Variants in TCOF1 observed in about 807,000 individuals in gnomAD.
TCOF1 encodes treacle protein.
In TCOF1, 33 loss-of-function variants were observed where a neutral mutation model predicts 149.0. That is an observed-to-expected ratio of 0.22 (90% CI 0.17 to 0.30). The LOEUF (loss-of-function observed/expected upper bound fraction) is 0.30, where lower values mean the gene tolerates loss of function less well. TCOF1 is among the 10% of genes least tolerant of loss of function. TCOF1 has a pLI of 1.00. For synonymous variants in TCOF1, 789 were observed against 738.8 expected, an observed-to-expected ratio of 1.07 and a Z score of -1.10; for missense variants, 1,728 against 1,840.7, an observed-to-expected ratio of 0.94 and a Z score of 1.12.
chr5:150,360,567 G>T (rs1295364473), intron 1 of TCOF1, among the ~76,000 whole-genome samples: 1 of 152,148 alleles, frequency 6.6e-6, no homozygotes, highest in African/African-American at 2.4e-5. Context: ...TGCCAGAGAG[G>T]CTGGGAGCTG....
Position 150,374,799 on chromosome 5 carries a change from G to A in TCOF1, c.1266G>A (p.Glu422=). 1 of 1,610,268 alleles carries A rather than the reference G, an allele frequency of 6.2e-7. No homozygotes were observed. ...SSSEESDSEE[E]APAQAKPSGK... is the part of the protein sequence containing the mutation. ...GCGAGGAATCGGACAGTGAGGAGGA[G>A]GCGCCTGCTCAGGTGAGGCAGAGGG... The change falls in exon 9 of 27, where the codon GAG becomes GAA. Residue 422 remains glutamate (E), a synonymous_variant. Coordinates refer to ENST00000643257, the MANE Select transcript of TCOF1 (RefSeq NM_001371623.1).
chr5:150,384,309 G>A, intron 17 of TCOF1: 6 of 987,626 alleles, frequency 6.1e-6, no homozygotes, highest in Non-Finnish European at 6.0e-6. Flanking sequence ...ACAGCCCTAT[G>A]AGGGTGGCTC....
chr5:150,359,715 T>C (rs577864936), intron 1 of TCOF1, among the ~76,000 whole-genome samples: 2 of 152,312 alleles, frequency 1.3e-5, no homozygotes, highest in Admixed American at 6.5e-5. Context: ...CCCATCTTCA[T>C]TGGAGCAAAA....
chr5:150,385,144 A>AT, intron 17 of TCOF1: 1 of 934,296 alleles, frequency 1.1e-6, no homozygotes, highest in Non-Finnish European at 1.3e-6. Context: ...GTTATATACC[A>AT]CAAATATATG....
intron 18 of TCOF1, among the ~76,000 whole-genome samples, chr5:150,388,893 G>A (rs115924461): frequency 6.6e-6 from 1 of 152,182 alleles, no homozygotes; most frequent in Non-Finnish European, 1.5e-5. Flanking sequence ...ATGTGCCACA[G>A]CACTCCAGCC....
At position 150,374,775 on chromosome 5, in the gene TCOF1, C is replaced by G. The variant is rs151344569; in HGVS notation, c.1242C>G (p.Ser414Arg). The G allele has an allele frequency of 1.2e-6, 2 of 1,611,850 alleles. No individual in the cohort carries two copies. Among genetic ancestry groups the G allele is most frequent in the Non-Finnish European group, 1.7e-6 (2 of 1,179,284 alleles). ...GKREEDSQSS[S>R]EESDSEEEAP... ...GGGAGGAGGACTCGCAGAGCAGCAG[C>G]GAGGAATCGGACAGTGAGGAGGAGG... is the stretch of plus-strand genomic sequence containing the variant. Residue 414 changes from serine (S) to arginine (R), a missense_variant, in exon 9 of 27, where the codon AGC becomes AGG. By Grantham distance (110) the Ser-to-Arg change is moderately radical. Coordinates refer to ENST00000643257, the MANE Select transcript of TCOF1 (RefSeq NM_001371623.1).
intron 22 of TCOF1, 148 bp downstream of exon 22, chr5:150,392,938 G>C: frequency 1.1e-6 from 1 of 946,014 alleles, no homozygotes; most frequent in South Asian, 1.4e-5. Context: ...AAGGCACCAC[G>C]TGTGGCCCAG....
Position 150,384,469 on chromosome 5 carries a change from G to A in TCOF1, c.2860-3433G>A, listed in dbSNP as rs1304595403. On this transcript the variant is annotated intron_variant, in intron 17 of 26. Coordinates refer to ENST00000643257, the MANE Select transcript of TCOF1 (RefSeq NM_001371623.1). ...CTGACCCGTTGCCTGGTGCTGCCCC[G>A]ACACTCTCCTCTCCTGGGCTTGGGC... is the stretch of plus-strand genomic sequence containing the variant. 7.1e-6 allele frequency: 7 copies of A among 985,334 alleles called. No individual in the cohort carries two copies. The East Asian group carries it at 3.4e-4, about 48-fold the overall frequency. The allele number at this position is 985,334 out of a possible 1,614,324, so 61.0% of individuals were successfully genotyped here.
intron 3 of TCOF1, among the ~76,000 whole-genome samples, chr5:150,364,604 G>C (rs1760894454): frequency 6.6e-6 from 1 of 152,216 alleles, no homozygotes; most frequent in Non-Finnish European, 1.5e-5. Context: ...AAAGCAGCTA[G>C]CGGACACATT....
rs1391971567 is a variant in TCOF1 at position 150,357,737 on chromosome 5, G to T, written c.-10G>T. 1 of 1,548,090 alleles carries T rather than the reference G, an allele frequency of 6.5e-7. No homozygotes were observed. The stretch of plus-strand genomic sequence containing the variant: ...GCGTGCAGGTAGCCGGCCGGCCGGG[G>T]GTCGCGGGTATGGCCGAGGCCAGGA... On this transcript the variant is annotated 5_prime_UTR_variant, in exon 1 of 27. Transcript: ENST00000643257.
chr5:150,367,457 T>A (rs1369098932), intron 3 of TCOF1: 1 of 242,430 alleles, frequency 4.1e-6, no homozygotes, highest in Non-Finnish European at 8.3e-6. Flanking sequence ...CCACTGCCCC[T>A]TCTTGCCGAA....
chr5:150,384,806 T>G (rs549067825), intron 17 of TCOF1: 13 of 985,374 alleles, frequency 1.3e-5, no homozygotes, highest in Non-Finnish European at 1.6e-5. Context: ...AATCCCCAGC[T>G]CACTAATTAT....
intron 1 of TCOF1, 71 bp from the exon 2 acceptor site, chr5:150,361,085 G>A: frequency 6.2e-7 from 1 of 1,601,144 alleles, no homozygotes; most frequent in Non-Finnish European, 8.6e-7. Flanking sequence ...TGAGTTTGGG[G>A]AGATCTGGGC....
chr5:150,382,364 T>TC (rs1179085707), intron 17 of TCOF1, among the ~76,000 whole-genome samples: 1 of 152,026 alleles, frequency 6.6e-6, no homozygotes, highest in Non-Finnish European at 1.5e-5. Context: ...GCATGGCTGT[T>TC]AGGAGGCAGC....
At position 150,375,479 on chromosome 5, in the gene TCOF1, G is replaced by C. The variant is rs138254692; in HGVS notation, c.1629G>C (p.Glu543Asp). ...CAGCCCAGGTGGGGAAGTGGGAGGA[G>C]GACTCAGAGAGCAGTAGTGAGGAGT... ...TPSAQVGKWE[E>D]DSESSSEESS... Residue 543 changes from glutamate (E) to aspartate (D), a missense_variant, in exon 11 of 27, where the codon GAG (glutamate) becomes GAC (aspartate). Glu to Asp is a conservative substitution (Grantham distance 45, BLOSUM62 2). Around this residue, in one of 2 missense-constraint regions of TCOF1, gnomAD observed 1,696 missense variants for 1,765.4 expected, o/e 0.96. Coordinates refer to ENST00000643257, the MANE Select transcript of TCOF1 (RefSeq NM_001371623.1). 42 of 1,614,040 alleles carry C rather than the reference G, an allele frequency of 2.6e-5. No individual in the cohort carries two copies. Among genetic ancestry groups the C allele is most frequent in the Non-Finnish European group, 3.2e-5 (38 of 1,180,026 alleles).
chr5:150,396,349 C>T lies in TCOF1; in HGVS notation c.3852C>T (p.Asn1284=). 4 of 1,613,936 alleles carry T rather than the reference C, an allele frequency of 2.5e-6. No individual in the cohort carries two copies. The highest frequency in any genetic ancestry group is 3.4e-6 in the Non-Finnish European group (4 of 1,180,042). ...GGAAGCCCAAGAAAGGGGCTGGGAA[C>T]CCCCAAGCCTCAACCCTGGCGCTGC... is the stretch of plus-strand genomic sequence containing the variant. ...KSRKPKKGAG[N]PQASTLALQS... is the part of the protein sequence containing the mutation. The change falls in exon 24 of 27, where the codon AAC becomes AAT. Residue 1284 remains asparagine, a synonymous_variant. Coordinates refer to ENST00000643257, the MANE Select transcript of TCOF1 (RefSeq NM_001371623.1).
chr5:150,363,204 C>G (rs750322092), intron 2 of TCOF1, among the ~76,000 whole-genome samples: 2 of 152,126 alleles, frequency 1.3e-5, no homozygotes, highest in Non-Finnish European at 2.9e-5. Context: ...AATCCCTGCT[C>G]AACATTTTTG....
intron 24 of TCOF1, 48 bp from the exon 25 acceptor site, chr5:150,398,306 C>G (rs1357234787): frequency 2.5e-6 from 4 of 1,611,030 alleles, no homozygotes; most frequent in Admixed American, 3.3e-5. Context: ...GACCCCAGCA[C>G]TTAGGATTAC....
At chr5:150,393,224 G>A (rs1451972012) in intron 22 of TCOF1, 148 bp from the exon 23 acceptor site, 3 of 896,484 alleles carry the variant, frequency 3.3e-6, no homozygotes, top group Non-Finnish European at 5.4e-6. Context: ...GTGCTGCTCT[G>A]TGCCTTGTTG....
Sources: gnomAD v4.1 joint callset for allele counts (sites outside exome capture counted in the v4.1 genomes callset) on GRCh38, gnomAD v4.1.1 for gene constraint, gnomAD v4.1.1 regional missense constraint, MANE v1.5 for transcripts, NCBI Gene and HGNC (gene_info 2026-07-23, HGNC 2026-07-21) for gene names.